Variants in AHCYL1 observed in about 807,000 individuals in gnomAD.
The protein encoded by AHCYL1 is adenosylhomocysteinase like 1.
A neutral mutation model predicts 79.3 loss-of-function variants in AHCYL1; 20 were observed. The observed-to-expected ratio is 0.25, with a 90% confidence interval of 0.18 to 0.37. AHCYL1 has a LOEUF of 0.37. AHCYL1 is among the 10% of genes least tolerant of loss of function. AHCYL1 has a pLI of 1.00. For synonymous variants in AHCYL1, 223 were observed against 242.2 expected, an observed-to-expected ratio of 0.92 and a Z score of 0.74; for missense variants, 330 against 673.6, an observed-to-expected ratio of 0.49 and a Z score of 5.65.
At chr1:109,986,168 T>C (rs1649456880) in intron 1 of AHCYL1, among the ~76,000 whole-genome samples, 1 of 152,164 alleles carries the variant, frequency 6.6e-6, no homozygotes, top group South Asian at 2.1e-4. Flanking sequence ...CCCAGATAAA[T>C]GTCTCCCTTC....
intron 1 of AHCYL1, among the ~76,000 whole-genome samples, chr1:109,993,599 C>T (rs1419206390): frequency 6.6e-6 from 1 of 152,090 alleles, no homozygotes; most frequent in Admixed American, 6.5e-5. Flanking sequence ...AAGGAAGTAC[C>T]AAGAACTGCA....
In AHCYL1 at chr1:110,018,644, G is replaced by C. The variant is rs1210792764; in HGVS notation, c.1311G>C (p.Leu437=). 1.2e-6 allele frequency: 2 copies of C among 1,612,714 alleles called. No individual in the cohort carries two copies. The change falls in exon 13 of 17, where the codon CTG becomes CTC. Residue 437 remains leucine (L), a synonymous_variant. Coordinates refer to ENST00000369799, the MANE Select transcript of AHCYL1 (RefSeq NM_006621.7). ...IWPDGKRVVL[L]AEGRLLNLSC... ...CAGATGGCAAACGAGTTGTCCTCCT[G>C]GCAGAGGTACACACAGAGAAGGACC...
intron 1 of AHCYL1, among the ~76,000 whole-genome samples, chr1:110,001,948 G>A (rs574727187): frequency 2.6e-5 from 4 of 152,278 alleles, no homozygotes; most frequent in Admixed American, 1.3e-4. Flanking sequence ...TTCTGAGGAC[G>A]AGAAGAACTT....
intron 1 of AHCYL1, among the ~76,000 whole-genome samples, chr1:109,985,948 G>C (rs1207796635): frequency 6.6e-6 from 1 of 152,180 alleles, no homozygotes; most frequent in Non-Finnish European, 1.5e-5. Flanking sequence ...GCTGTAGGTT[G>C]ACTCAAAGGA....
chr1:110,000,403 G>A (rs1223139569), intron 1 of AHCYL1, among the ~76,000 whole-genome samples: 4 of 152,216 alleles, frequency 2.6e-5, no homozygotes, highest in Admixed American at 2.0e-4. Context: ...TTACCACAGT[G>A]TTTGGGCTCT....
In AHCYL1 at chr1:110,018,393, C is replaced by T. The variant is rs1478067496; in HGVS notation, c.1144C>T (p.Arg382Trp). ...TTTAGGAAATAAGAATGTAGTGACA[C>T]GGGAGCACTTGGATCGCATGAAAAA... ...TCTGNKNVVT[R>W]EHLDRMKNSC... The change falls in exon 12 of 17, where the codon CGG becomes TGG. Residue 382 changes from arginine (R) to tryptophan (W), a missense_variant. Around this residue, in one of 6 missense-constraint regions of AHCYL1, gnomAD observed 119 missense variants for 293.3 expected, o/e 0.41. Transcript: ENST00000369799. 5.0e-6 allele frequency: 8 copies of T among 1,614,070 alleles called. No individual in the cohort carries two copies. Among genetic ancestry groups the T allele is most frequent in the Non-Finnish European group, 1.7e-6 (2 of 1,179,996 alleles).
intron 11 of AHCYL1, 100 bp from the exon 12 acceptor site, chr1:110,018,273 A>G (rs1651548760): frequency 1.3e-5 from 15 of 1,130,572 alleles, no homozygotes; most frequent in Non-Finnish European, 2.0e-5. Context: ...CATGTTCTTT[A>G]ATGCCAGCAA....
At chr1:110,005,611 G>T (rs958087165) in intron 1 of AHCYL1, among the ~76,000 whole-genome samples, 1 of 152,202 alleles carries the variant, frequency 6.6e-6, no homozygotes, top group Non-Finnish European at 1.5e-5. Context: ...CTAAAATGTT[G>T]TAGTGGAATT....
Position 110,012,482 on chromosome 1 carries a change from A to G in AHCYL1, c.477+20A>G. 1 of 1,559,754 alleles carries G rather than the reference A, an allele frequency of 6.4e-7. No individual in the cohort carries two copies. The highest frequency in any genetic ancestry group is 8.7e-7 in the Non-Finnish European group (1 of 1,154,568). ...ACAGCGGTGAGTTTGTTGGAAGAAA[A>G]GAGGGACTTCTGATAAGGGGAAGAA... On this transcript the variant is annotated intron_variant, in intron 4 of 16. Coordinates refer to ENST00000369799, the MANE Select transcript of AHCYL1 (RefSeq NM_006621.7).
intron 15 of AHCYL1, among the ~76,000 whole-genome samples, chr1:110,020,495 C>G (rs1651729596): frequency 6.6e-6 from 1 of 152,074 alleles, no homozygotes; most frequent in African/African-American, 2.4e-5. Context: ...CTTTTGTTAC[C>G]CTGGTAAGTG....
At chr1:110,000,924 G>A (rs1426411752) in intron 1 of AHCYL1, 3 of 982,830 alleles carry the variant, frequency 3.1e-6, no homozygotes, top group African/African-American at 1.7e-5. Context: ...AGCCACAGGT[G>A]TTGAGGCAAA....
Position 110,012,959 on chromosome 1 carries a change from C to T in AHCYL1, c.540C>T (p.Tyr180=). The T allele has an allele frequency of 1.2e-6, 2 of 1,613,248 alleles. No homozygotes were observed. The highest frequency in any genetic ancestry group is 8.5e-7 in the Non-Finnish European group (1 of 1,179,806). Reference sequence around the variant, plus strand: ...GCCGCTGGTCTGCTTGTAACATCTACTCAACTCAGAATGAAGTAGCTGCAG... The same window carrying T: ...GCCGCTGGTCTGCTTGTAACATCTATTCAACTCAGAATGAAGTAGCTGCAG... ...AQCRWSACNI[Y]STQNEVAAAL... Residue 180 remains tyrosine (Y), a synonymous_variant, in exon 5 of 17, where the codon TAC becomes TAT. Transcript: ENST00000369799.
chr1:110,003,857 GT>G (rs1184994110), intron 1 of AHCYL1: 3 of 924,522 alleles, frequency 3.2e-6, no homozygotes, highest in Non-Finnish European at 3.9e-6. Context: ...AACTTCTTAT[GT>G]TTACTTCTAG....
At chr1:109,985,281 G>A in intron 1 of AHCYL1, 109 bp downstream of exon 1, 3 of 1,448,442 alleles carry the variant, frequency 2.1e-6, no homozygotes, top group Non-Finnish European at 2.7e-6. Flanking sequence ...GACTGGGGAC[G>A]GCGGAGGTGA....
intron 1 of AHCYL1, among the ~76,000 whole-genome samples, chr1:110,000,150 C>T (rs1650230905): frequency 1.3e-5 from 2 of 152,136 alleles, no homozygotes; most frequent in Non-Finnish European, 2.9e-5. Context: ...ATGGTAACTT[C>T]TCATGAAATA....
chr1:110,009,047 C>T lies in AHCYL1; in HGVS notation c.134C>T (p.Ala45Val), dbSNP rs747234846. The T allele has an allele frequency of 5.0e-6, 8 of 1,613,164 alleles. No individual in the cohort carries two copies. The highest frequency in any genetic ancestry group is 4.2e-6 in the Non-Finnish European group (5 of 1,179,286). Residue 45 changes from alanine to valine, a missense_variant, in exon 2 of 17, where the codon GCT becomes GTT. Coordinates refer to ENST00000369799, the MANE Select transcript of AHCYL1 (RefSeq NM_006621.7). Reference protein sequence around the residue: ...TKAPKKQIQFADDMQEFTKFP... With the variant: ...TKAPKKQIQFVDDMQEFTKFP... ...CCTTTTGTATAGCAAATCCAGTTTG[C>T]TGATGACATGCAGGAGTTCACCAAA...
chr1:110,019,491 T>C, intron 14 of AHCYL1, 57 bp from the exon 15 acceptor site: 1 of 1,483,702 alleles, frequency 6.7e-7, no homozygotes, highest in Non-Finnish European at 9.2e-7. Flanking sequence ...GGTTTTATTT[T>C]TATGTGCCTG....
chr1:110,008,053 C>T (rs2101721689), intron 1 of AHCYL1, among the ~76,000 whole-genome samples: 1 of 123,752 alleles, frequency 8.1e-6, no homozygotes, highest in East Asian at 2.7e-4. Context: ...GACAGAGTCT[C>T]ACTCTGTCAC....
Position 110,012,419 on chromosome 1 carries a change from G to A in AHCYL1, c.434G>A (p.Gly145Asp). Reference protein sequence around the residue: ...KRAQGEKPLAGAKIVGCTHIT... With the variant: ...KRAQGEKPLADAKIVGCTHIT... Reference sequence around the variant, plus strand: ...GCTCAGGGGGAGAAGCCCTTGGCTGGTGCTAAAATAGTGGGCTGTACACAC... The same window carrying A: ...GCTCAGGGGGAGAAGCCCTTGGCTGATGCTAAAATAGTGGGCTGTACACAC... Residue 145 changes from glycine (G) to aspartate (D), a missense_variant, in exon 4 of 17, where the codon GGT (glycine) becomes GAT (aspartate). This residue lies in a region of AHCYL1 where 97 missense variants were observed against 176.3 expected (regional missense o/e 0.55). Coordinates refer to ENST00000369799, the MANE Select transcript of AHCYL1 (RefSeq NM_006621.7). 6.2e-7 allele frequency: 1 copy of A among 1,613,886 alleles called. No individual in the cohort carries two copies. The highest frequency in any genetic ancestry group is 8.5e-7 in the Non-Finnish European group (1 of 1,179,960).
Sources: allele counts gnomAD v4.1 joint callset (sites outside exome capture counted in the v4.1 genomes callset), GRCh38; gene constraint gnomAD v4.1.1; regional missense constraint gnomAD v4.1.1; transcripts MANE v1.5; gene names NCBI Gene and HGNC (gene_info 2026-07-23, HGNC 2026-07-21).